ANKRD62: variants seen among roughly 807,000 people sequenced by gnomAD.
ANKRD62 encodes ankyrin repeat domain-containing protein 62.
Under a neutral mutation model 98.8 loss-of-function variants are expected in ANKRD62, and 61 were observed. The ratio of observed to expected loss-of-function variants is 0.62; its 90% CI spans 0.50 to 0.76. ANKRD62 has a LOEUF of 0.76. Ranked by LOEUF, ANKRD62 falls within the 30% of genes least tolerant of loss-of-function variation. ANKRD62 has a pLI of 0.00. For missense variants in ANKRD62, 933 were observed against 1,082.9 expected (o/e 0.86, Z 1.94); for synonymous variants, 341 against 367.9 (o/e 0.93, Z 0.84).
chr18:12,101,568 T>C (rs1159765435), intron 6 of ANKRD62, among the ~76,000 whole-genome samples: 3 of 152,220 alleles, frequency 2.0e-5, no homozygotes, highest in Non-Finnish European at 2.9e-5. Flanking sequence ...CTGAACACTC[T>C]CTAATTTTCT....
intron 6 of ANKRD62, chr18:12,102,590 T>C: frequency 4.9e-6 from 2 of 406,056 alleles, no homozygotes; most frequent in Non-Finnish European, 7.4e-6. Flanking sequence ...ACCTGTATTA[T>C]ATAAAACTGT....
chr18:12,106,275 G>A (rs1273633811), intron 7 of ANKRD62, among the ~76,000 whole-genome samples: 4 of 152,090 alleles, frequency 2.6e-5, no homozygotes, highest in Non-Finnish European at 5.9e-5. Flanking sequence ...TATTATGTCA[G>A]TACCATGGAT....
In ANKRD62 at chr18:12,125,445, C is replaced by T. The variant is rs564138292; in HGVS notation, c.1639-15C>T. The T allele has an allele frequency of 4.0e-4, 579 of 1,434,494 alleles. No individual in the cohort carries two copies. The African/African-American group carries it at 7.4e-3, about 18-fold the overall frequency. The allele number at this position is 1,434,494 out of a possible 1,614,324, so 88.9% of individuals were successfully genotyped here. A position where few individuals can be genotyped will look rare whatever the true frequency, so the allele number is the denominator to read the frequency against. The stretch of plus-strand genomic sequence containing the variant: ...TTATTGGGTGCTAGTTGAGAGTTTT[C>T]TTTGTTTTATTTAGAATTTTCATAC... On this transcript the variant is annotated splice_polypyrimidine_tract_variant and intron_variant, in intron 12 of 13. Transcript: ENST00000587848.
chr18:12,102,094 G>T, intron 6 of ANKRD62: 1 of 1,361,896 alleles, frequency 7.3e-7, no homozygotes, highest in Non-Finnish European at 1.1e-6. Flanking sequence ...CAGAAGCTCT[G>T]CCTTGGGAGC....
intron 11 of ANKRD62, among the ~76,000 whole-genome samples, chr18:12,123,109 C>T (rs1481375325): frequency 6.6e-6 from 1 of 152,028 alleles, no homozygotes; most frequent in Non-Finnish European, 1.5e-5. Flanking sequence ...AGTGCAGCGG[C>T]GAAATCTCGG....
chr18:12,128,282 C>CT lies in ANKRD62; in HGVS notation c.*347dup, dbSNP rs1227829851. 6.5e-6 allele frequency: 1 copy of CT among 154,012 alleles called. No homozygotes were observed. The highest frequency in any genetic ancestry group is 2.4e-5 in the African/African-American group (1 of 41,448). The allele number at this position is 154,012 out of a possible 1,614,324, so 9.5% of individuals were successfully genotyped here. On this transcript the variant is annotated 3_prime_UTR_variant, in exon 14 of 14. Coordinates refer to ENST00000587848, the MANE Select transcript of ANKRD62 (RefSeq NM_001277333.2). ...GAAAATTTTCTTTTTTTAATCTCTA[C>CT]TTTTCTGTGTGAATAAAGACTTGTG...
the ANKRD62 span, among the ~76,000 whole-genome samples, chr18:12,171,687 T>C: frequency 6.6e-6 from 1 of 152,186 alleles, no homozygotes. Context: ...TGTTGGCCTA[T>C]CTTGCTAGGT....
At chr18:12,134,620 C>T (rs1202378959), downstream of ANKRD62, among the ~76,000 whole-genome samples, 6 of 152,000 alleles carry the variant, frequency 3.9e-5, no homozygotes, top group South Asian at 8.3e-4. Flanking sequence ...TGAGAACATG[C>T]GGTGTTTGGT....
chr18:12,095,116 G>C, intron 1 of ANKRD62, 55 bp from the exon 2 acceptor site: 1 of 1,217,396 alleles, frequency 8.2e-7, no homozygotes, highest in Non-Finnish European at 1.2e-6. Flanking sequence ...ATGCGTCGTT[G>C]TATGTTTTGG....
rs565122543 is a variant in ANKRD62 at position 12,123,344 on chromosome 18, C to T, written c.1455-793C>T. Among the ~76,000 whole-genome samples the T allele has an allele frequency of 1.7e-4, 26 of 152,154 alleles. 1 individual carries two copies. In the South Asian group the frequency reaches 4.6e-3, roughly 27 times the overall value. On this transcript the variant is annotated intron_variant, in intron 11 of 13. Transcript: ENST00000587848. ...TCTGGGATTACAGTGTGAGCAACCACGCCTGGCCCAGTTTTACTCTTAATA... is the reference window on the plus strand; with the variant it reads ...TCTGGGATTACAGTGTGAGCAACCATGCCTGGCCCAGTTTTACTCTTAATA...
At chr18:12,102,191 G>T in intron 6 of ANKRD62, 3 of 844,716 alleles carry the variant, frequency 3.6e-6, no homozygotes, top group Non-Finnish European at 6.3e-6. Context: ...GCAGCAAGGA[G>T]TAGAGTCCGT....
intron 6 of ANKRD62, chr18:12,102,059 C>G: frequency 7.1e-7 from 1 of 1,404,570 alleles, no homozygotes; most frequent in Non-Finnish European, 1.0e-6. Context: ...TAGCAAAGCC[C>G]AGCAAAGGTT....
intron 8 of ANKRD62, among the ~76,000 whole-genome samples, chr18:12,109,950 CAAAA>C (rs10588166): frequency 0.32 from 39,836 of 124,810 alleles, 5,842 homozygotes; most frequent in Middle Eastern, 0.42. Context: ...TCACTGTTAC[CAAAA>C]AAAAAAAAAA....
At chr18:12,135,884 GGGGT>G in the ANKRD62 span, among the ~76,000 whole-genome samples, 3 of 151,722 alleles carry the variant, frequency 2.0e-5, no homozygotes, top group African/African-American at 4.9e-5. Flanking sequence ...ACTTTTTGAT[GGGGT>G]TGTTTGTTTT....
the ANKRD62 span, among the ~76,000 whole-genome samples, chr18:12,168,231 T>A: frequency 1.3e-5 from 2 of 152,192 alleles, no homozygotes; most frequent in Non-Finnish European, 2.9e-5. Flanking sequence ...CTGAATGGTA[T>A]TGCCTAGGTT....
intron 6 of ANKRD62, chr18:12,102,418 A>G (rs1042469637): frequency 2.2e-5 from 11 of 510,004 alleles, no homozygotes; most frequent in Admixed American, 1.5e-4. Context: ...GCAGCAACAG[A>G]GCTCAGCCTC....
chr18:12,129,607 G>T lies in ANKRD62; in HGVS notation c.*1668G>T, dbSNP rs1220530518. Reference sequence around the variant, plus strand: ...CTAAAAAACACAAAAAATTAGCCAGGCGTGGTGGCAGGCGCCTGTAGTCCC... The same window carrying T: ...CTAAAAAACACAAAAAATTAGCCAGTCGTGGTGGCAGGCGCCTGTAGTCCC... On this transcript the variant is annotated 3_prime_UTR_variant, in exon 14 of 14. Coordinates refer to ENST00000587848, the MANE Select transcript of ANKRD62 (RefSeq NM_001277333.2). 2.0e-5 allele frequency: 3 copies of T among 152,124 alleles called. No homozygotes were observed. The highest frequency in any genetic ancestry group is 7.3e-5 in the African/African-American group (3 of 41,378). 9.4% of individuals were successfully genotyped at this position (152,124 alleles called of 1,614,324 possible). A position where few individuals can be genotyped will look rare whatever the true frequency, so the allele number is the denominator to read the frequency against.
the ANKRD62 span, among the ~76,000 whole-genome samples, chr18:12,169,645 C>A: frequency 6.6e-6 from 1 of 152,164 alleles, no homozygotes; most frequent in African/African-American, 2.4e-5. Context: ...ATGCTGGTCT[C>A]ATAAAATGAG....
chr18:12,116,408 T>G (rs1292990453), intron 10 of ANKRD62, among the ~76,000 whole-genome samples: 1 of 152,232 alleles, frequency 6.6e-6, no homozygotes, highest in East Asian at 1.9e-4. Context: ...ACTAAACATG[T>G]TCACCTCATA....
Sources: allele counts gnomAD v4.1 joint callset (sites outside exome capture counted in the v4.1 genomes callset), GRCh38; gene constraint gnomAD v4.1.1; transcripts MANE v1.5; gene names NCBI Gene and HGNC (gene_info 2026-07-23, HGNC 2026-07-21).